Variants in NSUN6 observed in about 807,000 individuals in gnomAD.
NSUN6 encodes NOP2/Sun RNA methyltransferase 6.
NSUN6 carries 64 observed loss-of-function variants against 58.0 expected under a neutral mutation model. The observed-to-expected ratio is 1.10, with a 90% CI of 0.90 to 1.36. The LOEUF is 1.36. NSUN6 is among the 40% of genes most tolerant of loss of function. The pLI, the probability that NSUN6 is intolerant of heterozygous loss-of-function variation, is 0.00. For synonymous variants in NSUN6, 231 were observed against 193.9 expected, an observed-to-expected ratio of 1.19 and a Z score of -1.59; for missense variants, 701 against 550.1, an observed-to-expected ratio of 1.27 and a Z score of -2.74.
At chr10:18,589,322 T>C (rs1014790254) in intron 7 of NSUN6, among the ~76,000 whole-genome samples, 7 of 151,996 alleles carry the variant, frequency 4.6e-5, no homozygotes, top group African/African-American at 7.2e-5. Flanking sequence ...ACAGGGAGAA[T>C]GGACCAAATT....
At chr10:18,647,896 C>T (rs555545478) in intron 2 of NSUN6, among the ~76,000 whole-genome samples, 1 of 151,960 alleles carries the variant, frequency 6.6e-6, no homozygotes, top group East Asian at 1.9e-4. Flanking sequence ...CCATCATGCC[C>T]GAATAATTTT....
At chr10:18,560,903 T>A (rs557425394) in intron 8 of NSUN6, among the ~76,000 whole-genome samples, 2 of 149,468 alleles carry the variant, frequency 1.3e-5, no homozygotes, top group African/African-American at 4.9e-5. Flanking sequence ...GAGGATGGTA[T>A]GGAGAATGGA....
At chr10:18,601,509 G>C (rs2057837009) in intron 6 of NSUN6, among the ~76,000 whole-genome samples, 1 of 151,416 alleles carries the variant, frequency 6.6e-6, no homozygotes. Flanking sequence ...GATGTGGCAG[G>C]AGTAATTTTC....
chr10:18,659,288 C>G, upstream of NSUN6: 1 of 278,118 alleles, frequency 3.6e-6, no homozygotes, highest in Non-Finnish European at 6.7e-6. Context: ...GTAAGTGCGC[C>G]GTCGTCACGC....
chr10:18,643,449 T>C (rs534216393), intron 2 of NSUN6, among the ~76,000 whole-genome samples: 78 of 152,272 alleles, frequency 5.1e-4, no homozygotes, highest in African/African-American at 1.7e-3. Context: ...ATGTTTGCAT[T>C]GCCCCACAGG....
intron 2 of NSUN6, among the ~76,000 whole-genome samples, chr10:18,647,729 T>TG (rs2059587754): frequency 3.8e-5 from 2 of 53,212 alleles, no homozygotes; most frequent in African/African-American, 5.7e-5. Flanking sequence ...CACCTTGTTT[T>TG]TTTTTTTTTT....
At chr10:18,550,696 G>A (rs752520602) in intron 9 of NSUN6, among the ~76,000 whole-genome samples, 1 of 150,296 alleles carries the variant, frequency 6.7e-6, no homozygotes, top group Admixed American at 6.7e-5. Flanking sequence ...TCCCTATTGG[G>A]CCTTCTTCTA....
intron 5 of NSUN6, among the ~76,000 whole-genome samples, chr10:18,612,087 T>C (rs897990391): frequency 3.3e-5 from 5 of 152,082 alleles, no homozygotes; most frequent in African/African-American, 1.2e-4. Context: ...GCAGAAAATA[T>C]ACAAACGAAG....
At chr10:18,577,107 T>C (rs1250231150) in intron 8 of NSUN6, among the ~76,000 whole-genome samples, 2 of 152,216 alleles carry the variant, frequency 1.3e-5, no homozygotes, top group Non-Finnish European at 2.9e-5. Flanking sequence ...ATTTATTAAC[T>C]ACACTACAGA....
intron 8 of NSUN6, among the ~76,000 whole-genome samples, chr10:18,572,093 C>T (rs1002981780): frequency 2.7e-5 from 4 of 150,150 alleles, no homozygotes; most frequent in Admixed American, 1.3e-4. Flanking sequence ...CCCTTCTATT[C>T]TCCATTTCAT....
At chr10:18,600,169 G>C (rs1213212248) in intron 6 of NSUN6, among the ~76,000 whole-genome samples, 1 of 152,114 alleles carries the variant, frequency 6.6e-6, no homozygotes, top group South Asian at 2.1e-4. Flanking sequence ...GCCACAGGGG[G>C]TATTGGCTTG....
intron 2 of NSUN6, among the ~76,000 whole-genome samples, chr10:18,647,727 T>TG: frequency 2.0e-5 from 1 of 50,076 alleles, no homozygotes; most frequent in Non-Finnish European, 5.0e-5. Context: ...AACACCTTGT[T>TG]TTTTTTTTTT....
intron 8 of NSUN6, among the ~76,000 whole-genome samples, chr10:18,580,694 A>C (rs1195636535): frequency 1.3e-5 from 2 of 152,200 alleles, no homozygotes; most frequent in Admixed American, 1.3e-4. Context: ...GTCTGGCTCC[A>C]AGAGAAACAA....
intron 8 of NSUN6, among the ~76,000 whole-genome samples, chr10:18,579,071 A>T (rs142205083): frequency 6.6e-6 from 1 of 152,244 alleles, no homozygotes; most frequent in African/African-American, 2.4e-5. Flanking sequence ...ACCCCCAGAC[A>T]TACCTGGCGT....
Position 18,545,872 on chromosome 10 carries a change from A to AAAAAAC in NSUN6, c.*60_*61insGTTTTT. 1 of 1,032,902 alleles carries AAAAAAC rather than the reference A, an allele frequency of 9.7e-7. No homozygotes were observed. The highest frequency in any genetic ancestry group is 1.5e-6 in the Non-Finnish European group (1 of 686,558). 64.0% of individuals were successfully genotyped at this position (1,032,902 alleles called of 1,614,324 possible). On this transcript the variant is annotated 3_prime_UTR_variant, in exon 11 of 11. Coordinates refer to ENST00000377304, the MANE Select transcript of NSUN6 (RefSeq NM_182543.5). ...TTGGCCTGACAACACTTTGGTTAAA[A>AAAAAAC]AAAAAAAAACCACAGACAGCAAATG...
chr10:18,658,754 C>G, upstream of NSUN6: 1 of 513,110 alleles, frequency 1.9e-6, no homozygotes, highest in Non-Finnish European at 2.5e-6. Context: ...TGCAATCCCA[C>G]CACTTTGGGA....
intron 6 of NSUN6, among the ~76,000 whole-genome samples, chr10:18,609,504 A>G (rs1160312570): frequency 6.6e-6 from 1 of 152,162 alleles, no homozygotes; most frequent in Non-Finnish European, 1.5e-5. Flanking sequence ...CCAGCAGACT[A>G]TAACAAGTCA....
intron 6 of NSUN6, 45 bp downstream of exon 6, chr10:18,609,800 G>GT (rs34349692): frequency 0.2 from 202,921 of 1,008,154 alleles, 23,333 homozygotes; most frequent in Admixed American, 0.36. Context: ...ATTCACTGAT[G>GT]TATGTTTCAA....
At chr10:18,556,942 T>C (rs1331024250) in intron 8 of NSUN6, among the ~76,000 whole-genome samples, 3 of 138,286 alleles carry the variant, frequency 2.2e-5, no homozygotes, top group African/African-American at 5.5e-5. Flanking sequence ...GAATGGAGAA[T>C]GGAAGGGAAT....
Sources: allele counts gnomAD v4.1 joint callset (sites outside exome capture counted in the v4.1 genomes callset), GRCh38; gene constraint gnomAD v4.1.1; transcripts MANE v1.5; gene names NCBI Gene and HGNC (gene_info 2026-07-23, HGNC 2026-07-21).